Variants in MECOM observed in about 807,000 individuals in gnomAD.
MECOM encodes the protein histone-lysine N-methyltransferase MECOM.
A neutral mutation model predicts 116.3 loss-of-function variants in MECOM; 13 were observed. That is an observed-to-expected ratio of 0.11 (90% CI 0.07 to 0.18). MECOM has a LOEUF of 0.18. MECOM is among the 10% of genes least tolerant of loss of function. The probability of loss-of-function intolerance (pLI) is 1.00; values close to 1 mark genes in which losing one functional copy is unlikely to be tolerated. For synonymous variants in MECOM, 528 were observed against 535.2 expected, an observed-to-expected ratio of 0.99 and a Z score of 0.19; for missense variants, 1,299 against 1,509.0, an observed-to-expected ratio of 0.86 and a Z score of 2.31.
intron 2 of MECOM, among the ~76,000 whole-genome samples, chr3:169,320,422 C>T (rs1183663247): frequency 1.3e-5 from 2 of 152,116 alleles, no homozygotes; most frequent in Non-Finnish European, 2.9e-5. Context: ...CGTAAGGTCC[C>T]TGAGGAGGAA....
intron 1 of MECOM, among the ~76,000 whole-genome samples, chr3:169,562,587 G>A (rs1036460600): frequency 6.6e-6 from 1 of 152,142 alleles, no homozygotes; most frequent in African/African-American, 2.4e-5. Context: ...TGAATTTGGT[G>A]TCTTAACCTT....
intron 1 of MECOM, among the ~76,000 whole-genome samples, chr3:169,393,160 C>G (rs1037812121): frequency 1.3e-5 from 2 of 152,126 alleles, no homozygotes; most frequent in South Asian, 4.1e-4. Context: ...TGATCCAAAC[C>G]ACAATATTTA....
intron 1 of MECOM, among the ~76,000 whole-genome samples, chr3:169,434,442 G>GTT (rs141314375): frequency 1.3e-3 from 195 of 149,184 alleles, no homozygotes; most frequent in Admixed American, 2.9e-3. Flanking sequence ...AAAGTTTACT[G>GTT]TTTTTTTTTT....
At chr3:169,105,108 A>G (rs13099881) in intron 10 of MECOM, among the ~76,000 whole-genome samples, 38,407 of 152,014 alleles carry the variant, frequency 0.25, 5,074 homozygotes, top group Non-Finnish European at 0.28. Context: ...TACACAAAAC[A>G]TTTTCTGCCC....
chr3:169,469,887 C>T (rs1490386642), intron 1 of MECOM, among the ~76,000 whole-genome samples: 1 of 152,150 alleles, frequency 6.6e-6, no homozygotes, highest in Non-Finnish European at 1.5e-5. Flanking sequence ...AATCAAGTCA[C>T]TTAAAGCAAA....
chr3:169,306,030 G>A (rs1717634421), intron 2 of MECOM, among the ~76,000 whole-genome samples: 1 of 151,884 alleles, frequency 6.6e-6, no homozygotes, highest in African/African-American at 2.4e-5. Context: ...GTATATCTAG[G>A]TACATTGTTA....
chr3:169,518,380 G>A (rs1002358251), intron 1 of MECOM, among the ~76,000 whole-genome samples: 10 of 152,140 alleles, frequency 6.6e-5, no homozygotes, highest in Admixed American at 3.3e-4. Context: ...CTAGCCAAAA[G>A]CATTCTCCTA....
At chr3:169,250,415 C>T (rs1292382904) in intron 2 of MECOM, among the ~76,000 whole-genome samples, 5 of 152,088 alleles carry the variant, frequency 3.3e-5, no homozygotes, top group Non-Finnish European at 7.4e-5. Flanking sequence ...CTGAGGAACC[C>T]GCATACCAAG....
At chr3:169,312,268 G>GCAGC (rs1718926172) in intron 2 of MECOM, among the ~76,000 whole-genome samples, 1 of 152,038 alleles carries the variant, frequency 6.6e-6, no homozygotes, top group Non-Finnish European at 1.5e-5. Context: ...TTGACAAGAA[G>GCAGC]CAGATGACAA....
intron 1 of MECOM, among the ~76,000 whole-genome samples, chr3:169,548,282 C>A (rs770046326): frequency 1.3e-5 from 2 of 152,146 alleles, no homozygotes; most frequent in Non-Finnish European, 2.9e-5. Flanking sequence ...TAGAATGCCA[C>A]CTTTTTCTCT....
chr3:169,178,646 A>G (rs1459644672), intron 2 of MECOM, among the ~76,000 whole-genome samples: 3 of 152,178 alleles, frequency 2.0e-5, no homozygotes. Flanking sequence ...TGCCCCCATG[A>G]TAGGTTCTGC....
At position 169,200,212 on chromosome 3, in the gene MECOM, C is replaced by T. The variant is rs190131129; in HGVS notation, c.376-56380G>A. ...CCAATTCAAAGCTATTCTTTGGTTC[C>T]CTGCTCTGCTGCAATAATTGACTAG... On this transcript the variant is annotated intron_variant, in intron 2 of 16. Transcript: ENST00000651503. Among the ~76,000 whole-genome samples the T allele has an allele frequency of 3.1e-3, 473 of 152,076 alleles. 1 individual carries two copies. Among genetic ancestry groups the T allele is most frequent in the African/African-American group, 9.7e-3 (401 of 41,482 alleles).
At chr3:169,332,368 A>T (rs78789671) in intron 2 of MECOM, among the ~76,000 whole-genome samples, 1 of 152,072 alleles carries the variant, frequency 6.6e-6, no homozygotes, top group African/African-American at 2.4e-5. Context: ...AAGGGACTTC[A>T]CTTTTTAATC....
intron 1 of MECOM, among the ~76,000 whole-genome samples, chr3:169,541,747 C>G (rs572088819): frequency 6.6e-6 from 1 of 151,474 alleles, no homozygotes; most frequent in Non-Finnish European, 1.5e-5. Context: ...TTGTCCTGGC[C>G]AGCACACCTC....
intron 2 of MECOM, among the ~76,000 whole-genome samples, chr3:169,299,014 C>A (rs1026142213): frequency 2.0e-5 from 3 of 152,168 alleles, no homozygotes; most frequent in African/African-American, 7.2e-5. Context: ...TTGGAGAGAT[C>A]TTTAATCTGA....
chr3:169,144,773 T>A (rs889337610), intron 2 of MECOM, among the ~76,000 whole-genome samples: 2 of 152,140 alleles, frequency 1.3e-5, no homozygotes, highest in Non-Finnish European at 2.9e-5. Flanking sequence ...CTACAAAGGA[T>A]GGTAATGTTA....
intron 2 of MECOM, chr3:169,146,692 T>G: frequency 7.8e-7 from 1 of 1,283,146 alleles, no homozygotes; most frequent in Non-Finnish European, 1.0e-6. Context: ...GCCCAGACTT[T>G]TTTTCCTTTT....
chr3:169,282,960 G>T (rs1712433141), intron 2 of MECOM, among the ~76,000 whole-genome samples: 1 of 151,764 alleles, frequency 6.6e-6, no homozygotes. Flanking sequence ...CTTTTTTACG[G>T]TAATTTCTAT....
intron 2 of MECOM, among the ~76,000 whole-genome samples, chr3:169,165,930 CT>C (rs1312415570): frequency 6.6e-6 from 1 of 152,016 alleles, no homozygotes. Flanking sequence ...AACATTTGGT[CT>C]TTTTTTCAGC....
Sources: gnomAD v4.1 joint callset for allele counts (sites outside exome capture counted in the v4.1 genomes callset) on GRCh38, gnomAD v4.1.1 for gene constraint, MANE v1.5 for transcripts, NCBI Gene and HGNC (gene_info 2026-07-23, HGNC 2026-07-21) for gene names.